HLCS: variants seen among roughly 807,000 people sequenced by gnomAD.
HLCS encodes holocarboxylase synthetase.
Under a neutral mutation model 75.0 loss-of-function variants are expected in HLCS, and 53 were observed. That is an observed-to-expected ratio of 0.71 (90% confidence interval 0.57 to 0.89). HLCS has a LOEUF of 0.89. Among genes scored for constraint, HLCS ranks in the 40% least tolerant of loss-of-function variants. The pLI, the probability that HLCS is intolerant of heterozygous loss-of-function variation, is 0.00. For synonymous variants in HLCS, 431 were observed against 428.6 expected (o/e 1.01, Z -0.07); for missense variants, 966 against 1,074.0 (o/e 0.90, Z 1.41).
chr21:36,949,714 A>G (rs771532758), intron 2 of HLCS, among the ~76,000 whole-genome samples: 3 of 152,166 alleles, frequency 2.0e-5, no homozygotes, highest in Non-Finnish European at 4.4e-5. Flanking sequence ...ATGTCCCTAA[A>G]TGGGCATGCT....
chr21:36,920,414 A>G (rs966586363), intron 5 of HLCS, among the ~76,000 whole-genome samples: 21 of 152,144 alleles, frequency 1.4e-4, no homozygotes, highest in African/African-American at 5.1e-4. Context: ...GATGCAAAAA[A>G]TAAAAATAAA....
intron 6 of HLCS, among the ~76,000 whole-genome samples, chr21:36,780,730 C>T (rs2060501504): frequency 6.6e-6 from 1 of 152,132 alleles, no homozygotes; most frequent in Non-Finnish European, 1.5e-5. Flanking sequence ...ACACTGGTAG[C>T]TTTATCAGAT....
intron 6 of HLCS, among the ~76,000 whole-genome samples, chr21:36,866,891 A>G (rs951007022): frequency 3.3e-5 from 5 of 149,576 alleles, no homozygotes; most frequent in Non-Finnish European, 5.9e-5. Context: ...ATCCGATAAT[A>G]TTTCTCCAAA....
At chr21:36,944,608 T>C (rs2146568639) in intron 2 of HLCS, among the ~76,000 whole-genome samples, 1 of 152,254 alleles carries the variant, frequency 6.6e-6, no homozygotes, top group Non-Finnish European at 1.5e-5. Context: ...TTGGTTTTGG[T>C]TTTTTAATTG....
chr21:36,816,764 G>C (rs2061676972), intron 6 of HLCS, among the ~76,000 whole-genome samples: 1 of 152,198 alleles, frequency 6.6e-6, no homozygotes, highest in African/African-American at 2.4e-5. Flanking sequence ...ACATGGCACA[G>C]CTCCAAAGGC....
At chr21:36,822,703 T>C (rs1744538983) in intron 6 of HLCS, among the ~76,000 whole-genome samples, 1 of 152,172 alleles carries the variant, frequency 6.6e-6, no homozygotes, top group African/African-American at 2.4e-5. Context: ...ATCTGGATCA[T>C]TACTATTAAT....
At chr21:36,869,957 T>C (rs554135811) in intron 6 of HLCS, among the ~76,000 whole-genome samples, 4 of 152,322 alleles carry the variant, frequency 2.6e-5, no homozygotes, top group Non-Finnish European at 5.9e-5. Context: ...AACAGGAATA[T>C]GAACAGGAGA....
intron 6 of HLCS, among the ~76,000 whole-genome samples, chr21:36,781,085 T>TA (rs2060516645): frequency 6.6e-6 from 1 of 151,980 alleles, no homozygotes. Context: ...GCGGCAGCAT[T>TA]AGATTCTCAT....
intron 2 of HLCS, among the ~76,000 whole-genome samples, chr21:36,942,537 A>G (rs1378842681): frequency 2.0e-5 from 3 of 152,204 alleles, no homozygotes; most frequent in Non-Finnish European, 4.4e-5. Flanking sequence ...TCAGAGAAGG[A>G]AAACACAGGC....
At chr21:36,970,153 G>T (rs2068746808), upstream of HLCS, among the ~76,000 whole-genome samples, 1 of 152,218 alleles carries the variant, frequency 6.6e-6, no homozygotes, top group Non-Finnish European at 1.5e-5. Context: ...CTATCATACT[G>T]ACATTAACTC....
chr21:36,812,400 C>A (rs77105683), intron 6 of HLCS, among the ~76,000 whole-genome samples: 10 of 152,166 alleles, frequency 6.6e-5, no homozygotes, highest in African/African-American at 2.2e-4. Context: ...ACTTACGGTA[C>A]GCTTTATCCT....
chr21:36,864,263 G>A (rs1445760287), intron 6 of HLCS, among the ~76,000 whole-genome samples: 1 of 152,072 alleles, frequency 6.6e-6, no homozygotes, highest in East Asian at 1.9e-4. Flanking sequence ...AGCTGGGCAT[G>A]GTGGCGTGTG....
intron 8 of HLCS, among the ~76,000 whole-genome samples, chr21:36,760,696 G>C (rs756714738): frequency 6.6e-6 from 1 of 152,144 alleles, no homozygotes; most frequent in East Asian, 1.9e-4. Flanking sequence ...TGGTCATCTT[G>C]GGTAATGGAA....
chr21:36,845,386 C>T (rs973947086), intron 6 of HLCS, among the ~76,000 whole-genome samples: 5 of 152,150 alleles, frequency 3.3e-5, no homozygotes, highest in Admixed American at 6.5e-5. Flanking sequence ...CCCAGCTGTA[C>T]GGATGGGACT....
intron 6 of HLCS, among the ~76,000 whole-genome samples, chr21:36,819,596 C>A (rs8134067): frequency 0.29 from 44,428 of 152,050 alleles, 6,790 homozygotes; most frequent in Middle Eastern, 0.34. Flanking sequence ...TTACGGAAAG[C>A]TTCTAATACA....
chr21:36,873,368 A>T (rs2063840456), intron 6 of HLCS, among the ~76,000 whole-genome samples: 1 of 152,166 alleles, frequency 6.6e-6, no homozygotes, highest in Non-Finnish European at 1.5e-5. Context: ...CGCCTGCCTC[A>T]GCCTCCCAAA....
intron 6 of HLCS, among the ~76,000 whole-genome samples, chr21:36,772,415 T>A (rs2060234602): frequency 6.6e-6 from 1 of 151,862 alleles, no homozygotes; most frequent in Non-Finnish European, 1.5e-5. Flanking sequence ...GGTGGGTGGA[T>A]CACTTGAGCC....
chr21:36,989,669 T>C (rs2069305098), intron 1 of HLCS, among the ~76,000 whole-genome samples: 1 of 151,796 alleles, frequency 6.6e-6, no homozygotes, highest in African/African-American at 2.4e-5. Flanking sequence ...TCAGTCTTTT[T>C]TTTCCGGGCA....
chr21:36,906,253 C>A, intron 5 of HLCS, among the ~76,000 whole-genome samples: 1 of 152,114 alleles, frequency 6.6e-6, no homozygotes, highest in Non-Finnish European at 1.5e-5. Context: ...GATGTCTGAG[C>A]ATCATAACTC....
Sources: allele counts gnomAD v4.1 joint callset (sites outside exome capture counted in the v4.1 genomes callset), GRCh38; gene constraint gnomAD v4.1.1; transcripts MANE v1.5; gene names NCBI Gene and HGNC (gene_info 2026-07-23, HGNC 2026-07-21).